The following RIMS2 variants were observed in gnomAD, a reference collection of about 807,000 sequenced individuals.
RIMS2 encodes the protein regulating synaptic membrane exocytosis protein 2.
A neutral mutation model predicts 174.4 loss-of-function variants in RIMS2; 59 were observed. The observed-to-expected ratio is 0.34, with a 90% CI of 0.27 to 0.42. The LOEUF is 0.42. Among genes scored for constraint, RIMS2 ranks in the 10% least tolerant of loss-of-function variants. The probability of loss-of-function intolerance (pLI) is 1.00; values close to 1 mark genes in which losing one functional copy is unlikely to be tolerated. For missense variants in RIMS2, 1,620 were observed against 1,666.3 expected (o/e 0.97, Z 0.48); for synonymous variants, 606 against 572.5 (o/e 1.06, Z -0.84).
intron 4 of RIMS2, among the ~76,000 whole-genome samples, chr8:103,892,510 A>T (rs1354372830): frequency 1.3e-5 from 2 of 152,022 alleles, no homozygotes; most frequent in Non-Finnish European, 2.9e-5. Flanking sequence ...GACTTGTAAT[A>T]AAATTTACTA....
intron 2 of RIMS2, among the ~76,000 whole-genome samples, chr8:103,755,920 A>G (rs2097993331): frequency 6.6e-6 from 1 of 152,036 alleles, no homozygotes; most frequent in African/African-American, 2.4e-5. Flanking sequence ...TCTGAAGCCT[A>G]CTTCTGTCAA....
At chr8:103,914,973 TTA>T (rs1414354653) in intron 6 of RIMS2, among the ~76,000 whole-genome samples, 3 of 152,142 alleles carry the variant, frequency 2.0e-5, no homozygotes, top group African/African-American at 7.2e-5. Flanking sequence ...GGTCTGAATT[TTA>T]TGTTACTTCT....
At chr8:104,214,090 T>C (rs1171899713) in intron 19 of RIMS2, among the ~76,000 whole-genome samples, 1 of 152,092 alleles carries the variant, frequency 6.6e-6, no homozygotes, top group Non-Finnish European at 1.5e-5. Context: ...AAAGTTGAGG[T>C]GCAGAAGGAG....
At chr8:103,588,499 C>G (rs1271378402) in intron 1 of RIMS2, among the ~76,000 whole-genome samples, 2 of 151,872 alleles carry the variant, frequency 1.3e-5, no homozygotes, top group Non-Finnish European at 2.9e-5. Flanking sequence ...CATTACCTGA[C>G]TTCAAATTAT....
intron 19 of RIMS2, among the ~76,000 whole-genome samples, chr8:104,206,751 T>G (rs375473020): frequency 5.3e-5 from 8 of 152,256 alleles, no homozygotes; most frequent in African/African-American, 1.9e-4. Context: ...TTAACCACTG[T>G]GTCATAATGT....
chr8:103,618,667 A>G (rs149125618), intron 1 of RIMS2, among the ~76,000 whole-genome samples: 1 of 152,192 alleles, frequency 6.6e-6, no homozygotes, highest in Non-Finnish European at 1.5e-5. Context: ...TTCCCTGACT[A>G]CATGTTTCCT....
intron 1 of RIMS2, among the ~76,000 whole-genome samples, chr8:103,552,995 G>A (rs889630793): frequency 6.6e-5 from 10 of 152,196 alleles, no homozygotes; most frequent in Non-Finnish European, 1.3e-4. Context: ...TACACTGTTG[G>A]TGGGACTGTA....
At chr8:103,660,082 G>T (rs1467154528) in intron 1 of RIMS2, among the ~76,000 whole-genome samples, 1 of 152,166 alleles carries the variant, frequency 6.6e-6, no homozygotes, top group African/African-American at 2.4e-5. Flanking sequence ...GGTGCCCTGG[G>T]CCCTGCCTGC....
At chr8:103,622,582 G>C (rs750130524) in intron 1 of RIMS2, among the ~76,000 whole-genome samples, 24 of 152,120 alleles carry the variant, frequency 1.6e-4, no homozygotes, top group Non-Finnish European at 2.6e-4. Context: ...ATTATAGCCA[G>C]GTCATAGATT....
intron 2 of RIMS2, among the ~76,000 whole-genome samples, chr8:103,728,091 T>TG (rs2097545805): frequency 6.6e-6 from 1 of 152,168 alleles, no homozygotes; most frequent in South Asian, 2.1e-4. Context: ...TTTCATTTTT[T>TG]TGTGTGTGTT....
Position 104,081,227 on chromosome 8 carries a change from A to G in RIMS2, c.3334+66612A>G, listed in dbSNP as rs559002503. Among the ~76,000 whole-genome samples, 7 of 152,150 alleles carry G rather than the reference A, an allele frequency of 4.6e-5. 1 individual carries two copies. The South Asian group carries it at 1.4e-3, about 31-fold the overall frequency. ...CTCCAGGGTCCAGTCACATAAGAAC[A>G]TGTTACTTCTTAAGCCCTTTTCGAT... On this transcript the variant is annotated intron_variant, in intron 19 of 23. Transcript: ENST00000504942.
intron 19 of RIMS2, among the ~76,000 whole-genome samples, chr8:104,211,408 A>T (rs944694279): frequency 3.3e-5 from 5 of 152,182 alleles, no homozygotes; most frequent in African/African-American, 9.7e-5. Flanking sequence ...GGAACAAAAC[A>T]TTGTGATTTC....
At chr8:103,534,712 C>T (rs1838993959) in intron 1 of RIMS2, among the ~76,000 whole-genome samples, 1 of 152,098 alleles carries the variant, frequency 6.6e-6, no homozygotes, top group Non-Finnish European at 1.5e-5. Context: ...GAAATATTTT[C>T]CCCCCAAAGA....
At chr8:103,557,977 TG>T (rs758661967) in intron 1 of RIMS2, among the ~76,000 whole-genome samples, 8 of 152,200 alleles carry the variant, frequency 5.3e-5, no homozygotes, top group Non-Finnish European at 1.0e-4. Flanking sequence ...AATTTAAGAT[TG>T]GGTTATCTCC....
intron 1 of RIMS2, chr8:103,559,153 C>T: frequency 6.0e-6 from 1 of 166,076 alleles, no homozygotes; most frequent in Non-Finnish European, 1.3e-5. Flanking sequence ...GCAGCCTCAG[C>T]TCCCTCATCT....
At chr8:104,014,393 C>T in intron 18 of RIMS2, 113 bp from the exon 21 acceptor site, 7 of 550,380 alleles carry the variant, frequency 1.3e-5, no homozygotes, top group Admixed American at 3.0e-5. Flanking sequence ...TTTTAATCTG[C>T]AGCTAAACTT....
chr8:103,637,775 A>G (rs1165022188), intron 1 of RIMS2, among the ~76,000 whole-genome samples: 2 of 152,120 alleles, frequency 1.3e-5, no homozygotes, highest in African/African-American at 4.8e-5. Flanking sequence ...ATCTTACCAT[A>G]TATTTTACTG....
chr8:104,090,088 C>T (rs1006813745), intron 19 of RIMS2, among the ~76,000 whole-genome samples: 3 of 151,392 alleles, frequency 2.0e-5, no homozygotes, highest in African/African-American at 7.3e-5. Flanking sequence ...TACACACACA[C>T]ACAGAGCCCA....
At chr8:103,597,318 A>T (rs1162744510) in intron 1 of RIMS2, among the ~76,000 whole-genome samples, 1 of 152,182 alleles carries the variant, frequency 6.6e-6, no homozygotes, top group East Asian at 1.9e-4. Context: ...GCTCTCATGC[A>T]TAAGACAGCC....
Sources: allele counts gnomAD v4.1 joint callset (sites outside exome capture counted in the v4.1 genomes callset), GRCh38; gene constraint gnomAD v4.1.1; transcripts MANE v1.5; gene names NCBI Gene and HGNC (gene_info 2026-07-23, HGNC 2026-07-21).